ALDH1A1: variants seen among roughly 807,000 people sequenced by gnomAD.
The protein encoded by ALDH1A1 is aldehyde dehydrogenase 1 family member A1.
Under a neutral mutation model 62.1 loss-of-function variants are expected in ALDH1A1, and 19 were observed. The ratio of observed to expected loss-of-function variants is 0.31; its 90% CI spans 0.21 to 0.45. ALDH1A1 has a LOEUF of 0.45. ALDH1A1 is among the 20% of genes least tolerant of loss of function. The probability of loss-of-function intolerance (pLI) is 1.00; values close to 1 mark genes in which losing one functional copy is unlikely to be tolerated. For missense variants in ALDH1A1, 521 were observed against 607.1 expected (o/e 0.86, Z 1.49); for synonymous variants, 231 against 215.9 (o/e 1.07, Z -0.61).
At chr9:72,901,605 T>C (rs1192506495) in intron 12 of ALDH1A1, among the ~76,000 whole-genome samples, 1 of 152,048 alleles carries the variant, frequency 6.6e-6, no homozygotes, top group East Asian at 1.9e-4. Context: ...CAAGATCATC[T>C]TGGAGAAATG....
At chr9:72,903,048 G>A (rs1829827896) in intron 12 of ALDH1A1, among the ~76,000 whole-genome samples, 1 of 151,414 alleles carries the variant, frequency 6.6e-6, no homozygotes, top group African/African-American at 2.4e-5. Flanking sequence ...AATTAAGTAG[G>A]CACAGAAGAA....
intron 10 of ALDH1A1, 82 bp downstream of exon 10, chr9:72,911,876 G>A: frequency 6.7e-7 from 1 of 1,487,368 alleles, no homozygotes; most frequent in South Asian, 1.1e-5. Flanking sequence ...AAAGAGCTGG[G>A]AATTTTAAAG....
At chr9:72,925,374 A>C in intron 6 of ALDH1A1, 110 bp downstream of exon 6, 1 of 1,309,586 alleles carries the variant, frequency 7.6e-7, no homozygotes, top group Non-Finnish European at 1.0e-6. Context: ...CCCCCACTGG[A>C]CAGGAGCCAT....
chr9:72,919,570 T>C (rs1830111296), intron 7 of ALDH1A1, among the ~76,000 whole-genome samples: 1 of 152,270 alleles, frequency 6.6e-6, no homozygotes, highest in Non-Finnish European at 1.5e-5. Flanking sequence ...CAGATTGTAT[T>C]ATTTGTATAG....
chr9:72,924,688 T>C (rs1830182731), intron 6 of ALDH1A1, among the ~76,000 whole-genome samples: 1 of 152,242 alleles, frequency 6.6e-6, no homozygotes, highest in Admixed American at 6.5e-5. Flanking sequence ...GGTGAAGGCA[T>C]GGGAACTGAG....
At position 72,953,037 on chromosome 9, in the gene ALDH1A1, A is replaced by G. The variant is rs539838980; in HGVS notation, c.-37T>C. 2.5e-6 allele frequency: 4 copies of G among 1,612,770 alleles called. No homozygotes were observed. In the South Asian group the frequency reaches 4.4e-5, roughly 18 times the overall value. ...CTCCTGGAACACAGGTGACTGGCTC[A>G]GCAATTTGGTTCTGATAGAGCACTT... On this transcript the variant is annotated 5_prime_UTR_variant, in exon 1 of 13. Coordinates refer to ENST00000297785, the MANE Select transcript of ALDH1A1 (RefSeq NM_000689.5).
chr9:72,929,627 C>T (rs1470651935), intron 3 of ALDH1A1, among the ~76,000 whole-genome samples: 1 of 152,128 alleles, frequency 6.6e-6, no homozygotes, highest in African/African-American at 2.4e-5. Flanking sequence ...TAGTCATGTG[C>T]CCTAACCATT....
intron 9 of ALDH1A1, among the ~76,000 whole-genome samples, chr9:72,916,423 A>T (rs1368485917): frequency 6.6e-6 from 1 of 152,154 alleles, no homozygotes; most frequent in Non-Finnish European, 1.5e-5. Flanking sequence ...TGAAATACGA[A>T]GTTTGCCGCA....
Position 72,928,914 on chromosome 9 carries a change from G to T in ALDH1A1, c.420C>A (p.Ile140=). 1 of 1,613,886 alleles carries T rather than the reference G, an allele frequency of 6.2e-7. No individual in the cohort carries two copies. The highest frequency in any genetic ancestry group is 8.5e-7 in the Non-Finnish European group (1 of 1,179,882). ...TACCAATTGGTATTGTACGGCCCTG[G>T]ATCTTGTCAGCCCAACCTGCACAGT... The part of the protein sequence containing the change: ...LRYCAGWADK[I]QGRTIPIDGN... Residue 140 remains isoleucine (I), a synonymous_variant, in exon 4 of 13, where the codon ATC becomes ATA. Coordinates refer to ENST00000297785, the MANE Select transcript of ALDH1A1 (RefSeq NM_000689.5).
chr9:72,903,859 G>A (rs769197190), intron 12 of ALDH1A1, among the ~76,000 whole-genome samples: 5 of 152,016 alleles, frequency 3.3e-5, no homozygotes, highest in Non-Finnish European at 5.9e-5. Context: ...TGTGTTGTTA[G>A]ATAACCAGGC....
chr9:72,930,850 G>C lies in ALDH1A1; in HGVS notation c.312+29C>G, dbSNP rs923865505. 3 of 1,613,114 alleles carry C rather than the reference G, an allele frequency of 1.9e-6. No individual in the cohort carries two copies. The Admixed American group carries it at 5.0e-5, about 27-fold the overall frequency. On this transcript the variant is annotated intron_variant, in intron 3 of 12. Coordinates refer to ENST00000297785, the MANE Select transcript of ALDH1A1 (RefSeq NM_000689.5). ...ACGCTGAATGCTTTTGAGAGCTCTA[G>C]CTACCCATCCAGCTTGGATAATACT...
chr9:72,917,364 A>G (rs753264840), intron 8 of ALDH1A1, among the ~76,000 whole-genome samples: 2 of 152,144 alleles, frequency 1.3e-5, no homozygotes, highest in Non-Finnish European at 2.9e-5. Context: ...CCAAGAATGT[A>G]GATTTGATCA....
intron 1 of ALDH1A1, among the ~76,000 whole-genome samples, chr9:72,941,754 T>C (rs1323815101): frequency 6.6e-6 from 1 of 152,196 alleles, no homozygotes. Context: ...GGGAAGAGGA[T>C]AAGCCGTCTT....
chr9:72,938,256 T>A (rs1233963337), intron 2 of ALDH1A1, among the ~76,000 whole-genome samples: 1 of 152,016 alleles, frequency 6.6e-6, no homozygotes, highest in African/African-American at 2.4e-5. Context: ...ATAATAATAA[T>A]AAAATAAAAT....
chr9:72,908,615 G>T (rs1215725393), intron 11 of ALDH1A1, among the ~76,000 whole-genome samples: 2 of 104,390 alleles, frequency 1.9e-5, no homozygotes, highest in Admixed American at 1.0e-4. Context: ...AAGAAAGAAA[G>T]AAAGAAAGAA....
At chr9:72,923,557 A>G (rs1198726464) in intron 7 of ALDH1A1, among the ~76,000 whole-genome samples, 1 of 152,178 alleles carries the variant, frequency 6.6e-6, no homozygotes, top group Non-Finnish European at 1.5e-5. Flanking sequence ...CAGAAAAGTT[A>G]GTCTAGGTAC....
intron 1 of ALDH1A1, 97 bp downstream of exon 1, chr9:72,952,838 C>G (rs903862035): frequency 1.5e-6 from 2 of 1,370,930 alleles, no homozygotes; most frequent in African/African-American, 2.9e-5. Flanking sequence ...TTGCAAAGGG[C>G]TCTTTACACA....
chr9:72,909,198 G>A (rs1315365955), intron 11 of ALDH1A1, among the ~76,000 whole-genome samples: 3 of 43,610 alleles, frequency 6.9e-5, no homozygotes, highest in Non-Finnish European at 1.2e-4. Flanking sequence ...TTTTGCTCTT[G>A]TTGCTGAGGC....
In ALDH1A1 at chr9:72,916,928, C is replaced by T. The variant is rs1328807292; in HGVS notation, c.1027G>A (p.Gly343Ser). 2 of 1,606,792 alleles carry T rather than the reference C, an allele frequency of 1.2e-6. No homozygotes were observed. Among genetic ancestry groups the T allele is most frequent in the Admixed American group, 3.4e-5 (2 of 59,328 alleles). The part of the protein sequence containing the change: ...GNPLTPGVTQ[G>S]PQIDKEQYDK... Reference sequence around the variant, plus strand: ...TTCTATTTTATACTTACCTGAGGGCCTTGAGTGACTCCTGGGGTCAGAGGA... The same window carrying T: ...TTCTATTTTATACTTACCTGAGGGCTTTGAGTGACTCCTGGGGTCAGAGGA... Residue 343 changes from glycine to serine, a missense_variant, in exon 9 of 13, where the codon GGC becomes AGC. Transcript: ENST00000297785.
Sources: gnomAD v4.1 joint callset for allele counts (sites outside exome capture counted in the v4.1 genomes callset) on GRCh38, gnomAD v4.1.1 for gene constraint, MANE v1.5 for transcripts, NCBI Gene and HGNC (gene_info 2026-07-23, HGNC 2026-07-21) for gene names.